Variants in ADGRV1 observed in about 807,000 individuals in gnomAD.
The protein encoded by ADGRV1 is adhesion G protein-coupled receptor V1, also known as G-protein coupled receptor 98.
Under a neutral mutation model 596.2 loss-of-function variants are expected in ADGRV1, and 359 were observed. The ratio of observed to expected loss-of-function variants is 0.60; its 90% CI spans 0.55 to 0.66. ADGRV1 has a LOEUF of 0.66. ADGRV1 is among the 30% of genes least tolerant of loss of function. The pLI is 0.00. For missense variants in ADGRV1, 7,274 were observed against 7,575.6 expected, an observed-to-expected ratio of 0.96 and a Z score of 1.48; for synonymous variants, 2,681 against 2,679.2, an observed-to-expected ratio of 1.00 and a Z score of -0.02.
rs768160441 is a variant in ADGRV1, at chr5:90,652,386, T to C, written c.3457T>C (p.Ser1153Pro). Residue 1153 changes from serine (S) to proline (P), a missense_variant, in exon 19 of 90, where the codon TCT becomes CCT. Physicochemically the swap from Ser to Pro is moderately conservative, Grantham distance 74 (BLOSUM62 -1). Around this residue, in one of 5 missense-constraint regions of ADGRV1, gnomAD observed 1,715 missense variants for 1,708.8 expected, o/e 1.00. Coordinates refer to ENST00000405460, the MANE Select transcript of ADGRV1 (RefSeq NM_032119.4). ...AGGATACTTTGGTAGTGTTTCTGTA[T>C]CTTGGCAGCTCTTTCAGAATGATTC... The part of the protein sequence containing the change: ...HRGYFGSVSV[S>P]WQLFQNDSAL... 5.0e-6 allele frequency: 8 copies of C among 1,609,334 alleles called. No homozygotes were observed. In the Admixed American group the frequency reaches 1.3e-4, roughly 27 times the overall value.
chr5:91,053,004 C>A (rs533689469), intron 85 of ADGRV1, among the ~76,000 whole-genome samples: 1 of 152,096 alleles, frequency 6.6e-6, no homozygotes, highest in Non-Finnish European at 1.5e-5. Flanking sequence ...TTTTTCAGGG[C>A]GTGGTGAATT....
At chr5:90,619,417 C>T (rs1450226005) in intron 4 of ADGRV1, among the ~76,000 whole-genome samples, 10 of 152,054 alleles carry the variant, frequency 6.6e-5, no homozygotes, top group Admixed American at 5.9e-4. Context: ...TCTCTTTCTG[C>T]TGATTGTTCC....
intron 82 of ADGRV1, among the ~76,000 whole-genome samples, chr5:90,859,789 AT>A (rs1249227880): frequency 4.6e-5 from 7 of 151,980 alleles, no homozygotes; most frequent in Admixed American, 4.6e-4. Context: ...TTTTAAGTCT[AT>A]TTCATTTTAA....
chr5:91,086,472 A>G (rs1789885104), intron 86 of ADGRV1, among the ~76,000 whole-genome samples: 1 of 151,800 alleles, frequency 6.6e-6, no homozygotes, highest in Admixed American at 6.6e-5. Flanking sequence ...AATTTCTTTC[A>G]CTTCATACTC....
chr5:90,691,064 A>G (rs1212401358), intron 31 of ADGRV1, 23 bp downstream of exon 31: 7 of 1,613,360 alleles, frequency 4.3e-6, no homozygotes, highest in Non-Finnish European at 5.9e-6. Context: ...GCTAGTATAG[A>G]ATGACACTGT....
At chr5:90,727,084 T>C (rs1414324448) in intron 48 of ADGRV1, among the ~76,000 whole-genome samples, 1 of 152,108 alleles carries the variant, frequency 6.6e-6, no homozygotes, top group African/African-American at 2.4e-5. Context: ...TCTTCCTTGA[T>C]TACTCCTTTT....
chr5:91,039,154 A>G (rs772308982), intron 85 of ADGRV1, among the ~76,000 whole-genome samples: 2 of 152,202 alleles, frequency 1.3e-5, no homozygotes, highest in Non-Finnish European at 2.9e-5. Context: ...TTTAAAACGC[A>G]GCTGACAAAA....
At chr5:90,909,001 T>G (rs971075502) in intron 83 of ADGRV1, among the ~76,000 whole-genome samples, 1 of 152,104 alleles carries the variant, frequency 6.6e-6, no homozygotes, top group Non-Finnish European at 1.5e-5. Flanking sequence ...TGCGGGAGAT[T>G]GGGAGCATTA....
intron 85 of ADGRV1, among the ~76,000 whole-genome samples, chr5:91,033,808 G>C (rs570010884): frequency 4.6e-5 from 7 of 152,228 alleles, no homozygotes; most frequent in South Asian, 2.1e-4. Context: ...TTTTTAAGCA[G>C]TTTATTTGTT....
chr5:90,863,880 G>T (rs1767841213), intron 83 of ADGRV1, 23 bp downstream of exon 83: 6 of 1,412,904 alleles, frequency 4.2e-6, no homozygotes, highest in South Asian at 1.2e-5. Flanking sequence ...TGGCATTTTT[G>T]ATTTATCGTG....
chr5:90,762,206 T>G (rs1230370057), intron 58 of ADGRV1, among the ~76,000 whole-genome samples: 2 of 152,156 alleles, frequency 1.3e-5, no homozygotes, highest in Non-Finnish European at 2.9e-5. Flanking sequence ...TATTTTTTTC[T>G]TACTAAATTT....
At chr5:90,946,892 C>A (rs973133685) in intron 83 of ADGRV1, among the ~76,000 whole-genome samples, 7 of 152,104 alleles carry the variant, frequency 4.6e-5, no homozygotes, top group African/African-American at 1.4e-4. Flanking sequence ...GATTCCATGT[C>A]TTCGCAATTG....
At chr5:91,119,204 C>T (rs1425383303) in intron 87 of ADGRV1, among the ~76,000 whole-genome samples, 1 of 152,006 alleles carries the variant, frequency 6.6e-6, no homozygotes, top group Non-Finnish European at 1.5e-5. Context: ...TCAGTAAGAG[C>T]AAAAAGAAAT....
In ADGRV1 at chr5:90,732,890, C is replaced by T. The variant is rs190924383; in HGVS notation, c.10549+3126C>T. ...TGCAAACAGTTTTGACCTCTGAAATCCTCTAAAAGGGTTTCAGTGTCTCTT... is the reference window on the plus strand; with the variant it reads ...TGCAAACAGTTTTGACCTCTGAAATTCTCTAAAAGGGTTTCAGTGTCTCTT... On this transcript the variant is annotated intron_variant, in intron 50 of 89. Coordinates refer to ENST00000405460, the MANE Select transcript of ADGRV1 (RefSeq NM_032119.4). 2.5e-3 allele frequency among the ~76,000 whole-genome samples: 381 copies of T among 152,286 alleles called. 3 individuals carry two copies. The highest frequency in any genetic ancestry group is 8.6e-3 in the African/African-American group (357 of 41,568).
In ADGRV1 at chr5:90,791,106, C is replaced by A. The variant is rs1222025537; in HGVS notation, c.14277C>A (p.Asp4759Glu). The A allele has an allele frequency of 6.2e-7, 1 of 1,613,882 alleles. No homozygotes were observed. The highest frequency in any genetic ancestry group is 8.5e-7 in the Non-Finnish European group (1 of 1,179,838). Residue 4759 changes from aspartate to glutamate, a missense_variant, in exon 70 of 90, where the codon GAC (aspartate) becomes GAA (glutamate). By Grantham distance (45) the Asp-to-Glu change is conservative (BLOSUM62 2). Coordinates refer to ENST00000405460, the MANE Select transcript of ADGRV1 (RefSeq NM_032119.4). Reference protein sequence around the residue: ...ITWFSVYANDDPHGVFALYSD... With the variant: ...ITWFSVYANDEPHGVFALYSD... ...GGTTCTCTGTTTATGCAAATGATGACCCACATGGAGTATTTGCCCTGTATT... is the reference window on the plus strand; with the variant it reads ...GGTTCTCTGTTTATGCAAATGATGAACCACATGGAGTATTTGCCCTGTATT...
At chr5:90,797,595 A>T (rs1760885754) in intron 70 of ADGRV1, among the ~76,000 whole-genome samples, 1 of 152,342 alleles carries the variant, frequency 6.6e-6, no homozygotes, top group African/African-American at 2.4e-5. Flanking sequence ...AAGGGTATTC[A>T]GGACTTGAAC....
At chr5:90,735,196 T>C (rs1265205418) in intron 50 of ADGRV1, among the ~76,000 whole-genome samples, 1 of 152,362 alleles carries the variant, frequency 6.6e-6, no homozygotes, top group East Asian at 1.9e-4. Context: ...ATGTATTTGG[T>C]ATGAAATAAT....
intron 87 of ADGRV1, among the ~76,000 whole-genome samples, chr5:91,108,441 AT>A (rs1792078955): frequency 7.3e-6 from 1 of 137,860 alleles, no homozygotes; most frequent in African/African-American, 2.7e-5. Context: ...TATCTAGATT[AT>A]TATGATGTCA....
intron 87 of ADGRV1, among the ~76,000 whole-genome samples, chr5:91,132,906 G>A (rs2126804911): frequency 6.6e-6 from 1 of 152,314 alleles, no homozygotes; most frequent in Admixed American, 6.5e-5. Context: ...AAAGTGGGCA[G>A]AATTCAGGTC....
Sources: gnomAD v4.1 joint callset for allele counts (sites outside exome capture counted in the v4.1 genomes callset) on GRCh38, gnomAD v4.1.1 for gene constraint, gnomAD v4.1.1 regional missense constraint, MANE v1.5 for transcripts, NCBI Gene and HGNC (gene_info 2026-07-23, HGNC 2026-07-21) for gene names.